The following SMC5 variants were observed in gnomAD, a reference collection of about 807,000 sequenced individuals.
SMC5 encodes the protein structural maintenance of chromosomes protein 5.
Under a neutral mutation model 148.3 loss-of-function variants are expected in SMC5, and 88 were observed. The observed-to-expected ratio is 0.59, with a 90% CI of 0.50 to 0.71. The LOEUF is 0.71. Ranked by LOEUF, SMC5 falls within the 30% of genes least tolerant of loss-of-function variation. The pLI is 0.00. For missense variants in SMC5, 1,142 were observed against 1,298.9 expected, an observed-to-expected ratio of 0.88 and a Z score of 1.86; for synonymous variants, 421 against 432.8, an observed-to-expected ratio of 0.97 and a Z score of 0.34.
chr9:70,333,587 T>C (rs898771042), intron 17 of SMC5, among the ~76,000 whole-genome samples: 3 of 152,094 alleles, frequency 2.0e-5, no homozygotes, highest in African/African-American at 7.2e-5. Flanking sequence ...AAAAATTAGC[T>C]GGGCATGGTG....
At chr9:70,276,994 A>G (rs550054589) in intron 3 of SMC5, among the ~76,000 whole-genome samples, 7 of 152,286 alleles carry the variant, frequency 4.6e-5, no homozygotes, top group South Asian at 2.1e-4. Flanking sequence ...GAAGAATAGC[A>G]TAGTAATTAA....
chr9:70,319,280 T>C (rs1438401921), intron 15 of SMC5, among the ~76,000 whole-genome samples: 1 of 152,206 alleles, frequency 6.6e-6, no homozygotes, highest in Non-Finnish European at 1.5e-5. Flanking sequence ...ACTGAGAATG[T>C]TTAAAATATT....
At chr9:70,287,623 A>G (rs1049601360) in intron 8 of SMC5, among the ~76,000 whole-genome samples, 1 of 152,056 alleles carries the variant, frequency 6.6e-6, no homozygotes, top group African/African-American at 2.4e-5. Flanking sequence ...CCCTTTTTCT[A>G]TCCCTTTATT....
rs1259346397 is a variant in SMC5, at chr9:70,277,480, A to G, written c.543+8A>G. 3 of 1,571,914 alleles carry G rather than the reference A, an allele frequency of 1.9e-6. No individual in the cohort carries two copies. In the South Asian group the frequency reaches 3.6e-5, roughly 19 times the overall value. On this transcript the variant is annotated splice_region_variant and intron_variant, in intron 4 of 24. Coordinates refer to ENST00000361138, the MANE Select transcript of SMC5 (RefSeq NM_015110.4). Reference sequence around the variant, plus strand: ...TGCCAGTTTCTCCCTCAGGTATGAGAGAAATAAATGTAAAGATGGGAAAAT... The same window carrying G: ...TGCCAGTTTCTCCCTCAGGTATGAGGGAAATAAATGTAAAGATGGGAAAAT...
chr9:70,330,278 G>A (rs1447812840), intron 17 of SMC5, among the ~76,000 whole-genome samples: 1 of 152,136 alleles, frequency 6.6e-6, no homozygotes, highest in Non-Finnish European at 1.5e-5. Flanking sequence ...CCTGTTAGAT[G>A]TCAGTAGTAC....
intron 11 of SMC5, among the ~76,000 whole-genome samples, chr9:70,312,737 G>A (rs1464699277): frequency 1.3e-5 from 2 of 152,154 alleles, no homozygotes; most frequent in African/African-American, 4.8e-5. Context: ...TAGATCAGTT[G>A]ATTTTTGACT....
chr9:70,344,371 G>C, intron 18 of SMC5, 102 bp downstream of exon 18: 4 of 808,712 alleles, frequency 4.9e-6, no homozygotes, highest in Admixed American at 4.4e-5. Context: ...ATGATGTGTC[G>C]TAAAAAATAG....
At chr9:70,267,092 T>G (rs1264831971) in intron 2 of SMC5, among the ~76,000 whole-genome samples, 1 of 151,716 alleles carries the variant, frequency 6.6e-6, no homozygotes, top group Non-Finnish European at 1.5e-5. Flanking sequence ...ATAAAATGAA[T>G]GTATACTTCA....
At chr9:70,308,075 A>C (rs2035553793) in intron 11 of SMC5, among the ~76,000 whole-genome samples, 3 of 152,116 alleles carry the variant, frequency 2.0e-5, no homozygotes, top group Non-Finnish European at 4.4e-5. Context: ...CTGAGTCCTA[A>C]CATGCAAACC....
intron 17 of SMC5, among the ~76,000 whole-genome samples, chr9:70,329,171 G>A (rs1227499209): frequency 6.6e-6 from 1 of 152,206 alleles, no homozygotes; most frequent in African/African-American, 2.4e-5. Flanking sequence ...CATTGTCTTG[G>A]CTGTTAACAT....
At chr9:70,341,621 A>G (rs1019293808) in intron 17 of SMC5, among the ~76,000 whole-genome samples, 9 of 152,256 alleles carry the variant, frequency 5.9e-5, no homozygotes, top group African/African-American at 9.6e-5. Flanking sequence ...TTTCATAACT[A>G]TTGTCTTGGT....
intron 14 of SMC5, 42 bp downstream of exon 14, chr9:70,318,729 G>T: frequency 1.3e-6 from 2 of 1,557,430 alleles, no homozygotes; most frequent in South Asian, 1.2e-5. Context: ...AATATTAACT[G>T]GATTTCTAAT....
intron 18 of SMC5, among the ~76,000 whole-genome samples, chr9:70,346,074 G>A (rs780851539): frequency 5.9e-5 from 9 of 152,138 alleles, no homozygotes; most frequent in Non-Finnish European, 1.3e-4. Context: ...AAGATTGAAG[G>A]AGAAACAGGG....
chr9:70,323,686 A>AACC, intron 16 of SMC5, 80 bp downstream of exon 16: 3 of 1,456,560 alleles, frequency 2.1e-6, no homozygotes, highest in Non-Finnish European at 2.8e-6. Context: ...AGAGGGAGGG[A>AACC]AGGTTTTGAT....
At chr9:70,276,543 A>C (rs1240024947) in intron 3 of SMC5, among the ~76,000 whole-genome samples, 1 of 152,170 alleles carries the variant, frequency 6.6e-6, no homozygotes, top group Non-Finnish European at 1.5e-5. Context: ...AAAGTCATAA[A>C]GTCTTACTGT....
At chr9:70,276,019 T>C (rs947662760) in intron 3 of SMC5, among the ~76,000 whole-genome samples, 1 of 152,248 alleles carries the variant, frequency 6.6e-6, no homozygotes, top group African/African-American at 2.4e-5. Flanking sequence ...AGCGAACTAC[T>C]CTTCTTAGAA....
At chr9:70,341,267 A>G (rs1479811044) in intron 17 of SMC5, among the ~76,000 whole-genome samples, 1 of 152,196 alleles carries the variant, frequency 6.6e-6, no homozygotes. Context: ...AAACTATTAA[A>G]TGAGGTTTTG....
At chr9:70,305,046 T>G (rs2035459961) in intron 10 of SMC5, among the ~76,000 whole-genome samples, 2 of 152,178 alleles carry the variant, frequency 1.3e-5, no homozygotes, top group South Asian at 4.1e-4. Flanking sequence ...AATCTTGGCC[T>G]TTGTTTAACC....
At chr9:70,285,736 A>G (rs886860522) in intron 7 of SMC5, among the ~76,000 whole-genome samples, 2 of 152,340 alleles carry the variant, frequency 1.3e-5, no homozygotes, top group Admixed American at 6.5e-5. Flanking sequence ...ATGTGTCTAT[A>G]ATATGTCATG....
Sources: gnomAD v4.1 joint callset for allele counts (sites outside exome capture counted in the v4.1 genomes callset) on GRCh38, gnomAD v4.1.1 for gene constraint, MANE v1.5 for transcripts, NCBI Gene and HGNC (gene_info 2026-07-23, HGNC 2026-07-21) for gene names.